The following UNC13B variants were observed in gnomAD, a reference collection of about 807,000 sequenced individuals.
UNC13B encodes the protein unc-13 homolog B, also known as protein unc-13 homolog B.
UNC13B carries 144 observed loss-of-function variants against 211.0 expected under a neutral mutation model. The observed-to-expected ratio is 0.68, with a 90% CI of 0.60 to 0.78. The LOEUF is 0.78. Among genes scored for constraint, UNC13B ranks in the 30% least tolerant of loss-of-function variants. UNC13B has a pLI of 0.00. For synonymous variants in UNC13B, 709 were observed against 725.8 expected (o/e 0.98, Z 0.37); for missense variants, 1,777 against 2,002.0 (o/e 0.89, Z 2.14).
Position 35,297,056 on chromosome 9 carries a change from T to C in UNC13B, c.761+1126T>C, listed in dbSNP as rs77815572. On this transcript the variant is annotated intron_variant, in intron 8 of 39. Coordinates refer to ENST00000635942, the MANE Select transcript of UNC13B (RefSeq NM_001371189.2). The stretch of plus-strand genomic sequence containing the variant: ...TTAGCTTCCTTTAATTTAGCAAAAA[T>C]TTCATTACCTTGGTTTTTTGGTCTT... Among the ~76,000 whole-genome samples the C allele has an allele frequency of 7.8e-3, 1,183 of 151,972 alleles. 38 individuals are homozygous for C. The East Asian group carries it at 0.094, about 12-fold the overall frequency.
chr9:35,223,361 A>G (rs1824665135), intron 1 of UNC13B, among the ~76,000 whole-genome samples: 1 of 152,042 alleles, frequency 6.6e-6, no homozygotes, highest in African/African-American at 2.4e-5. Flanking sequence ...CATCTGTTAT[A>G]TTTTGTGGTT....
rs112999086 is a variant in UNC13B at position 35,226,838 on chromosome 9, C to CTGG, written c.23-1177_23-1176insTGG. Among the ~76,000 whole-genome samples the CTGG allele has an allele frequency of 8.5e-3, 1,297 of 152,312 alleles. 12 individuals carry two copies. The highest frequency in any genetic ancestry group is 0.03 in the African/African-American group (1,227 of 41,574). On this transcript the variant is annotated intron_variant, in intron 1 of 39. Coordinates refer to ENST00000635942, the MANE Select transcript of UNC13B (RefSeq NM_001371189.2). ...AAACATTAATCTCCTTTGGCAACAC[C>CTGG]CTTACAGACACAGCCAGGAACAATA...
chr9:35,400,615 C>A (rs184006445), intron 37 of UNC13B, among the ~76,000 whole-genome samples, 172 bp downstream of exon 37: 4 of 152,204 alleles, frequency 2.6e-5, no homozygotes, highest in African/African-American at 9.7e-5. Flanking sequence ...CCACCCCATA[C>A]CCATTACCAG....
rs558461412 is a variant in UNC13B, at chr9:35,308,245, C to T, written c.8841C>T (p.Pro2947=). 15 of 399,134 alleles carry T rather than the reference C, an allele frequency of 3.8e-5. No individual in the cohort carries two copies. The highest frequency in any genetic ancestry group is 5.7e-5 in the Non-Finnish European group (13 of 226,190). The allele number at this position is 399,134 out of a possible 1,614,324, so 24.7% of individuals were successfully genotyped here. A position where few individuals can be genotyped will look rare whatever the true frequency, so the allele number is the denominator to read the frequency against. Residue 2947 remains proline, a synonymous_variant, in exon 9 of 40, where the codon CCC becomes CCT. Transcript: ENST00000635942. ...ATACCAAAGCCAACCTGTCTAGCCC[C>T]GCCTGTCCTTCAGGGAAACATGAGG... ...HWDTKANLSS[P]ACPSGKHEEE...
chr9:35,239,649 G>C (rs1825699223), intron 5 of UNC13B, among the ~76,000 whole-genome samples: 1 of 152,146 alleles, frequency 6.6e-6, no homozygotes, highest in South Asian at 2.1e-4. Flanking sequence ...CACTACAGGA[G>C]ACCAGGGCTT....
rs13292800 is a variant in UNC13B at position 35,393,800 on chromosome 9, G to A, written c.11309-2676G>A. Among the ~76,000 whole-genome samples the A allele has an allele frequency of 3.0e-3, 451 of 152,054 alleles. 2 individuals are homozygous for A. Among genetic ancestry groups the A allele is most frequent in the African/African-American group, 0.01 (424 of 41,470 alleles). On this transcript the variant is annotated intron_variant, in intron 26 of 39. Transcript: ENST00000635942. ...TTGGCCAGTCTGGTCTTGAACCCTA[G>A]CCTCAAGTGATCCACCCCCCTCAGC...
intron 5 of UNC13B, among the ~76,000 whole-genome samples, chr9:35,238,909 A>ATT (rs200109307): frequency 0.018 from 2,529 of 138,910 alleles, 25 homozygotes; most frequent in Admixed American, 0.042. Context: ...GGGTTTTTTC[A>ATT]TTTTTTTTTT....
chr9:35,176,211 G>C (rs1012513377), intron 1 of UNC13B, among the ~76,000 whole-genome samples: 1 of 151,994 alleles, frequency 6.6e-6, no homozygotes, highest in East Asian at 1.9e-4. Flanking sequence ...GGATGATTTA[G>C]AGAGCTTGAG....
At chr9:35,275,575 C>T (rs991249045) in intron 7 of UNC13B, among the ~76,000 whole-genome samples, 2 of 152,080 alleles carry the variant, frequency 1.3e-5, no homozygotes, top group African/African-American at 4.8e-5. Flanking sequence ...TCTTTCCATC[C>T]TTTGAATTGG....
intron 1 of UNC13B, among the ~76,000 whole-genome samples, chr9:35,209,404 G>A (rs527466589): frequency 6.6e-6 from 1 of 151,724 alleles, no homozygotes; most frequent in African/African-American, 2.4e-5. Flanking sequence ...TTAAAATAGA[G>A]TCTTGCTCTG....
chr9:35,268,487 C>T (rs995165259), intron 7 of UNC13B, among the ~76,000 whole-genome samples: 9 of 152,052 alleles, frequency 5.9e-5, no homozygotes, highest in African/African-American at 1.4e-4. Flanking sequence ...GGTGTGGTGG[C>T]GGGCACCTGT....
At chr9:35,240,547 A>G (rs1825751092) in intron 5 of UNC13B, among the ~76,000 whole-genome samples, 1 of 152,160 alleles carries the variant, frequency 6.6e-6, no homozygotes, top group Non-Finnish European at 1.5e-5. Flanking sequence ...TGGTTCAAAT[A>G]CCACAGATAT....
chr9:35,175,408 A>G (rs914480263), intron 1 of UNC13B, among the ~76,000 whole-genome samples: 2 of 152,236 alleles, frequency 1.3e-5, no homozygotes, highest in African/African-American at 4.8e-5. Context: ...TCCAGTGTAT[A>G]GGAATGGGCA....
chr9:35,194,256 C>T (rs1822819685), intron 1 of UNC13B, among the ~76,000 whole-genome samples: 3 of 152,152 alleles, frequency 2.0e-5, no homozygotes, highest in Non-Finnish European at 2.9e-5. Flanking sequence ...AACTGTAAAA[C>T]TTCGCTCACA....
At chr9:35,221,787 A>AT (rs1449812913) in intron 1 of UNC13B, among the ~76,000 whole-genome samples, 1 of 152,198 alleles carries the variant, frequency 6.6e-6, no homozygotes, top group Non-Finnish European at 1.5e-5. Flanking sequence ...TATCTCTCAC[A>AT]TTTAGTTCTA....
intron 3 of UNC13B, among the ~76,000 whole-genome samples, chr9:35,232,198 T>TTTTTTTTTTTTTTTTTTG (rs397941594): frequency 7.1e-6 from 1 of 141,272 alleles, no homozygotes; most frequent in African/African-American, 2.6e-5. Context: ...TTTTTTTTTT[T>TTTTTTTTTTTTTTTTTTG]GAGGCAGGAT....
rs1013675062 is a variant in UNC13B, at chr9:35,398,534, C to T, written c.11833-20C>T. The T allele has an allele frequency of 8.1e-6, 13 of 1,612,440 alleles. No homozygotes were observed. Among genetic ancestry groups the T allele is most frequent in the Admixed American group, 5.0e-5 (3 of 59,974 alleles). On this transcript the variant is annotated intron_variant, in intron 31 of 39. Transcript: ENST00000635942. ...GGGTAAGAAAAGCAGCCTAGCCAGG[C>T]TTACCTCCTGTGAATACAGCTGGAC...
intron 26 of UNC13B, among the ~76,000 whole-genome samples, chr9:35,392,267 G>C (rs7851661): frequency 0.17 from 25,144 of 152,092 alleles, 3,149 homozygotes; most frequent in African/African-American, 0.34. Context: ...GCAATGTGAA[G>C]CCAGCAGTAT....
At chr9:35,206,750 T>G (rs935216152) in intron 1 of UNC13B, among the ~76,000 whole-genome samples, 11 of 152,140 alleles carry the variant, frequency 7.2e-5, no homozygotes, top group African/African-American at 2.4e-4. Context: ...GTCGCACACC[T>G]GTAGTCCCAG....
Sources: allele counts gnomAD v4.1 joint callset (sites outside exome capture counted in the v4.1 genomes callset), GRCh38; gene constraint gnomAD v4.1.1; transcripts MANE v1.5; gene names NCBI Gene and HGNC (gene_info 2026-07-23, HGNC 2026-07-21).